Variants in GDPD5 observed in about 807,000 individuals in gnomAD.
GDPD5 encodes glycerophosphodiester phosphodiesterase 2.
In GDPD5, 48 loss-of-function variants were observed where a neutral mutation model predicts 75.1. That is an observed-to-expected ratio of 0.64 (90% CI 0.51 to 0.81). The LOEUF is 0.81. Ranked by LOEUF, GDPD5 falls within the 40% of genes least tolerant of loss-of-function variation. The pLI is 0.00. For missense variants in GDPD5, 706 were observed against 822.6 expected (o/e 0.86, Z 1.73); for synonymous variants, 336 against 339.0 (o/e 0.99, Z 0.10).
At chr11:75,456,557 G>T (rs111692982) in intron 6 of GDPD5, 200 bp downstream of exon 6, 2 of 597,734 alleles carry the variant, frequency 3.3e-6, no homozygotes, top group Non-Finnish European at 6.0e-6. Context: ...TACATCACAA[G>T]GTTGCTGTAA....
chr11:75,436,475 C>A (rs1948628241), intron 16 of GDPD5, among the ~76,000 whole-genome samples: 1 of 137,140 alleles, frequency 7.3e-6, no homozygotes, highest in Non-Finnish European at 1.6e-5. Flanking sequence ...GTCCTCCCGC[C>A]CCCCGCCCGG....
At chr11:75,477,160 T>C (rs1446355572) in intron 3 of GDPD5, among the ~76,000 whole-genome samples, 1 of 152,224 alleles carries the variant, frequency 6.6e-6, no homozygotes, top group Non-Finnish European at 1.5e-5. Flanking sequence ...GCTGTGCACC[T>C]GCTGCCAGCT....
chr11:75,453,596 C>T (rs1287250457), intron 6 of GDPD5, among the ~76,000 whole-genome samples: 8 of 144,672 alleles, frequency 5.5e-5, no homozygotes, highest in Non-Finnish European at 7.5e-5. Context: ...CCAGCCTGGG[C>T]GACACAGCAA....
intron 15 of GDPD5, 63 bp downstream of exon 15, chr11:75,439,816 G>A (rs1948735462): frequency 7.5e-7 from 1 of 1,337,378 alleles, no homozygotes; most frequent in Admixed American, 1.7e-5. Flanking sequence ...TCACCTGGCT[G>A]GGGTGGGGGC....
intron 15 of GDPD5, 69 bp from the exon 16 acceptor site, chr11:75,437,117 T>A: frequency 8.9e-7 from 1 of 1,129,430 alleles, no homozygotes; most frequent in Non-Finnish European, 1.3e-6. Context: ...CCCTGCCTAC[T>A]TCCAGAGCCT....
At chr11:75,438,580 C>T (rs1457992173) in intron 15 of GDPD5, 1 of 152,324 alleles carries the variant, frequency 6.6e-6, no homozygotes, top group Non-Finnish European at 1.5e-5. Flanking sequence ...CCAGGGACAG[C>T]ATCTCCTCCT....
chr11:75,462,175 G>C (rs1251254523), intron 4 of GDPD5, among the ~76,000 whole-genome samples: 1 of 152,200 alleles, frequency 6.6e-6, no homozygotes, highest in Non-Finnish European at 1.5e-5. Flanking sequence ...TACAAAGGGG[G>C]TAACCAAAGG....
intron 1 of GDPD5, among the ~76,000 whole-genome samples, chr11:75,505,091 C>T (rs1950367944): frequency 6.6e-6 from 1 of 151,464 alleles, no homozygotes; most frequent in East Asian, 1.9e-4. Context: ...CATTGCACTC[C>T]AGCTTGGGTG....
chr11:75,512,735 A>G (rs184788641), intron 1 of GDPD5, among the ~76,000 whole-genome samples: 15 of 152,006 alleles, frequency 9.9e-5, no homozygotes, highest in African/African-American at 3.6e-4. Context: ...GACCAACATG[A>G]TGAAACCCTG....
intron 3 of GDPD5, among the ~76,000 whole-genome samples, chr11:75,471,141 C>T (rs967428420): frequency 6.6e-6 from 1 of 152,216 alleles, no homozygotes; most frequent in East Asian, 1.9e-4. Context: ...TCCACCTTCA[C>T]CAAGTTCCAA....
chr11:75,478,209 G>A (rs1949821839), intron 2 of GDPD5, among the ~76,000 whole-genome samples: 1 of 152,204 alleles, frequency 6.6e-6, no homozygotes, highest in Admixed American at 6.5e-5. Context: ...GAGTGCTGTG[G>A]CACAATCTCG....
intron 1 of GDPD5, among the ~76,000 whole-genome samples, chr11:75,499,821 G>A (rs12289207): frequency 1.3e-5 from 2 of 152,132 alleles, no homozygotes; most frequent in Non-Finnish European, 2.9e-5. Flanking sequence ...CAGTGTCTAC[G>A]AAACAGCTTT....
chr11:75,451,864 C>T (rs1949166794), intron 6 of GDPD5: 1 of 152,264 alleles, frequency 6.6e-6, no homozygotes, highest in Admixed American at 6.5e-5. Context: ...TGTTCAGTGT[C>T]TGTGGGACTT....
intron 1 of GDPD5, among the ~76,000 whole-genome samples, chr11:75,516,654 C>T (rs1231541802): frequency 6.6e-6 from 1 of 152,194 alleles, no homozygotes; most frequent in Non-Finnish European, 1.5e-5. Context: ...GGGTCAGCTC[C>T]CCAGCAAGTG....
chr11:75,498,362 A>G (rs1555013868), intron 1 of GDPD5, among the ~76,000 whole-genome samples: 2 of 152,226 alleles, frequency 1.3e-5, no homozygotes, highest in Non-Finnish European at 2.9e-5. Context: ...CGTCTATGGA[A>G]ACACAGAGTG....
intron 2 of GDPD5, among the ~76,000 whole-genome samples, chr11:75,483,915 G>A (rs566473606): frequency 6.6e-6 from 1 of 152,280 alleles, no homozygotes; most frequent in Non-Finnish European, 1.5e-5. Context: ...GGCCAGGCAT[G>A]GTGGCTCACA....
At chr11:75,497,921 C>T (rs960052072) in intron 1 of GDPD5, among the ~76,000 whole-genome samples, 1 of 152,316 alleles carries the variant, frequency 6.6e-6, no homozygotes, top group African/African-American at 2.4e-5. Flanking sequence ...CTGCGTCAAG[C>T]AGGGATTAAC....
chr11:75,441,016 C>T, intron 14 of GDPD5, 147 bp downstream of exon 14: 1 of 754,328 alleles, frequency 1.3e-6, no homozygotes, highest in Non-Finnish European at 2.2e-6. Flanking sequence ...AACCCTCATG[C>T]CTCAAGCCTG....
chr11:75,497,603 T>C (rs1162463762), intron 1 of GDPD5, among the ~76,000 whole-genome samples: 1 of 152,184 alleles, frequency 6.6e-6, no homozygotes, highest in Non-Finnish European at 1.5e-5. Context: ...ACGTTAAACC[T>C]GGTGAAAGTA....
Sources: allele counts gnomAD v4.1 joint callset (sites outside exome capture counted in the v4.1 genomes callset), GRCh38; gene constraint gnomAD v4.1.1; transcripts MANE v1.5; gene names NCBI Gene and HGNC (gene_info 2026-07-23, HGNC 2026-07-21).